Variants in LRMDA observed in about 807,000 individuals in gnomAD.
LRMDA encodes the protein leucine rich melanocyte differentiation associated.
LRMDA carries 18 observed loss-of-function variants against 29.8 expected under a neutral mutation model. The ratio of observed to expected loss-of-function variants is 0.60; its 90% confidence interval spans 0.42 to 0.90. The LOEUF is 0.90. LRMDA is among the 40% of genes least tolerant of loss of function. The probability of loss-of-function intolerance (pLI) is 0.00; values close to 1 mark genes in which losing one functional copy is unlikely to be tolerated. For synonymous variants in LRMDA, 125 were observed against 109.4 expected, an observed-to-expected ratio of 1.14 and a Z score of -0.89; for missense variants, 273 against 273.9, an observed-to-expected ratio of 1.00 and a Z score of 0.02.
intron 6 of LRMDA, among the ~76,000 whole-genome samples, chr10:76,508,914 T>C (rs1842983757): frequency 1.3e-5 from 2 of 152,306 alleles, no homozygotes; most frequent in South Asian, 4.1e-4. Flanking sequence ...GTCTCCAGTG[T>C]CCATACTTAA....
chr10:75,912,672 C>A (rs1433784802), intron 2 of LRMDA, among the ~76,000 whole-genome samples: 1 of 152,092 alleles, frequency 6.6e-6, no homozygotes, highest in Non-Finnish European at 1.5e-5. Flanking sequence ...TAGAGTTCTA[C>A]TTATTGATGG....
intron 5 of LRMDA, among the ~76,000 whole-genome samples, chr10:76,307,936 A>G (rs1589420762): frequency 6.6e-6 from 1 of 152,308 alleles, no homozygotes; most frequent in African/African-American, 2.4e-5. Context: ...ATGACTTACC[A>G]TCAAAAGGAT....
In LRMDA at chr10:75,549,236, G is replaced by A. The variant is rs146517283; in HGVS notation, c.131+110742G>A. On this transcript the variant is annotated intron_variant, in intron 2 of 6. Coordinates refer to ENST00000611255, the MANE Select transcript of LRMDA (RefSeq NM_001305581.2). Reference sequence around the variant, plus strand: ...TCACCATTTGATGGCTGTTTGGATTGTTTAAAGTTTTAGCTATTTTGAATA... The same window carrying A: ...TCACCATTTGATGGCTGTTTGGATTATTTAAAGTTTTAGCTATTTTGAATA... Among the ~76,000 whole-genome samples, 16 of 152,144 alleles carry A rather than the reference G, an allele frequency of 1.1e-4. 1 individual carries two copies. The highest frequency in any genetic ancestry group is 3.9e-4 in the African/African-American group (16 of 41,500).
At chr10:75,733,528 A>C (rs537486238) in intron 2 of LRMDA, among the ~76,000 whole-genome samples, 1 of 152,202 alleles carries the variant, frequency 6.6e-6, no homozygotes, top group Non-Finnish European at 1.5e-5. Context: ...TATGAGTGCC[A>C]CAGGTTGACT....
chr10:76,098,158 G>T (rs1453640392), intron 5 of LRMDA, among the ~76,000 whole-genome samples: 1 of 152,106 alleles, frequency 6.6e-6, no homozygotes, highest in African/African-American at 2.4e-5. Flanking sequence ...GTGTCAGTGT[G>T]TAATACGTTA....
chr10:75,619,237 C>T (rs1841149571), intron 2 of LRMDA, among the ~76,000 whole-genome samples: 1 of 152,052 alleles, frequency 6.6e-6, no homozygotes, highest in Non-Finnish European at 1.5e-5. Context: ...GAAGAAAATC[C>T]ATGTACAAGT....
intron 2 of LRMDA, among the ~76,000 whole-genome samples, chr10:75,823,523 G>A (rs1387717520): frequency 6.6e-6 from 1 of 152,028 alleles, no homozygotes; most frequent in Non-Finnish European, 1.5e-5. Context: ...ACCGTTGGTG[G>A]GAATGTAAAT....
At chr10:75,595,926 T>G (rs1186894808) in intron 2 of LRMDA, among the ~76,000 whole-genome samples, 1 of 152,200 alleles carries the variant, frequency 6.6e-6, no homozygotes, top group Non-Finnish European at 1.5e-5. Flanking sequence ...GAAGCTTATA[T>G]TCTATGAGAA....
At chr10:75,470,185 A>G (rs1279649491) in intron 2 of LRMDA, among the ~76,000 whole-genome samples, 5 of 152,282 alleles carry the variant, frequency 3.3e-5, no homozygotes, top group African/African-American at 7.2e-5. Context: ...ATTTATTTGC[A>G]TTTCAGTGAA....
At chr10:76,435,997 C>T (rs972861155) in intron 6 of LRMDA, among the ~76,000 whole-genome samples, 3 of 152,130 alleles carry the variant, frequency 2.0e-5, no homozygotes, top group Non-Finnish European at 2.9e-5. Context: ...GGTTATTTCC[C>T]CAGTTTTTAC....
At chr10:76,507,297 G>T (rs963453972) in intron 6 of LRMDA, among the ~76,000 whole-genome samples, 25 of 150,548 alleles carry the variant, frequency 1.7e-4, no homozygotes, top group African/African-American at 6.1e-4. Flanking sequence ...AAATCAGATT[G>T]TTATTAATAT....
At chr10:75,624,744 T>G (rs1049633167) in intron 2 of LRMDA, among the ~76,000 whole-genome samples, 2 of 152,194 alleles carry the variant, frequency 1.3e-5, no homozygotes, top group African/African-American at 2.4e-5. Flanking sequence ...TTTAAAGCAG[T>G]GGGCACATTT....
chr10:76,201,373 G>A (rs1462519395), intron 5 of LRMDA, among the ~76,000 whole-genome samples: 2 of 152,192 alleles, frequency 1.3e-5, no homozygotes, highest in South Asian at 2.1e-4. Flanking sequence ...GATTACAGGC[G>A]TGAGCCCCAC....
intron 5 of LRMDA, among the ~76,000 whole-genome samples, chr10:76,217,249 A>C (rs1851744766): frequency 6.6e-6 from 1 of 152,350 alleles, no homozygotes; most frequent in South Asian, 2.1e-4. Flanking sequence ...CAACTGCAAT[A>C]TAGTGACATG....
intron 2 of LRMDA, among the ~76,000 whole-genome samples, chr10:75,664,334 A>G (rs1841793907): frequency 2.0e-5 from 3 of 152,198 alleles, no homozygotes; most frequent in Non-Finnish European, 4.4e-5. Flanking sequence ...CAATCCCTGT[A>G]TTAGGTAGTA....
chr10:76,061,613 CATGATTTCCAGACCAAAGAG>C (rs1292912537), intron 5 of LRMDA, among the ~76,000 whole-genome samples: 2 of 152,194 alleles, frequency 1.3e-5, no homozygotes, highest in Admixed American at 1.3e-4. Context: ...TCTGTAGTCA[CATGATTTCCAGACCAAAGAG>C]GACTTAGAAA....
intron 2 of LRMDA, among the ~76,000 whole-genome samples, chr10:75,730,622 G>T (rs1842685196): frequency 6.6e-6 from 1 of 152,084 alleles, no homozygotes; most frequent in Admixed American, 6.5e-5. Flanking sequence ...ATCATTGAAG[G>T]AAATTAAGCT....
chr10:75,537,845 C>T (rs1208223092), intron 2 of LRMDA, among the ~76,000 whole-genome samples: 1 of 152,204 alleles, frequency 6.6e-6, no homozygotes, highest in East Asian at 1.9e-4. Flanking sequence ...CCTGGCCTGG[C>T]TTTGTGCTTG....
At chr10:75,878,724 C>T (rs1487230971) in intron 2 of LRMDA, among the ~76,000 whole-genome samples, 1 of 152,130 alleles carries the variant, frequency 6.6e-6, no homozygotes, top group South Asian at 2.1e-4. Flanking sequence ...AGGGACCCCA[C>T]CCTTCTCTAC....
Sources: gnomAD v4.1 joint callset for allele counts (sites outside exome capture counted in the v4.1 genomes callset) on GRCh38, gnomAD v4.1.1 for gene constraint, MANE v1.5 for transcripts, NCBI Gene and HGNC (gene_info 2026-07-23, HGNC 2026-07-21) for gene names.